Variants in ERCC8 observed in about 807,000 individuals in gnomAD.
The protein encoded by ERCC8 is DNA excision repair protein ERCC-8.
Under a neutral mutation model 54.9 loss-of-function variants are expected in ERCC8, and 52 were observed. The ratio of observed to expected loss-of-function variants is 0.95; its 90% CI spans 0.76 to 1.19. ERCC8 has a LOEUF of 1.19. ERCC8 is among the 50% of genes most tolerant of loss of function. The pLI is 0.00. For synonymous variants in ERCC8, 146 were observed against 157.2 expected, an observed-to-expected ratio of 0.93 and a Z score of 0.53; for missense variants, 514 against 466.1, an observed-to-expected ratio of 1.10 and a Z score of -0.95.
rs149662271 is a variant in ERCC8 at position 60,880,947 on chromosome 5, T to C, written c.1123-6264A>G. 7.5e-3 allele frequency among the ~76,000 whole-genome samples: 1,144 copies of C among 152,300 alleles called. 13 individuals carry two copies. Among genetic ancestry groups the C allele is most frequent in the African/African-American group, 0.026 (1,084 of 41,558 alleles). ...TGGAGGAGGAGAGGTGCTCTGACTT[T>C]TAGAGTTTCCAGTTTTTCTGCTCTG... is the stretch of plus-strand genomic sequence containing the variant. On this transcript the variant is annotated intron_variant, in intron 11 of 11. Transcript: ENST00000676185.
intron 1 of ERCC8, among the ~76,000 whole-genome samples, chr5:60,943,921 G>A (rs1750343339): frequency 6.6e-6 from 1 of 152,194 alleles, no homozygotes; most frequent in Admixed American, 6.5e-5. Context: ...TCACAACATT[G>A]AAAACGTAAT....
intron 3 of ERCC8, chr5:60,919,411 A>G (rs1410851868): frequency 3.3e-5 from 5 of 151,956 alleles, no homozygotes; most frequent in Non-Finnish European, 7.4e-5. Context: ...CTGCAACCCT[A>G]TGCAGATACA....
intron 9 of ERCC8, among the ~76,000 whole-genome samples, chr5:60,897,283 C>G (rs1001152860): frequency 1.4e-4 from 21 of 152,138 alleles, no homozygotes; most frequent in African/African-American, 4.8e-4. Flanking sequence ...CCTTTCTTTG[C>G]TTTGCTTTTC....
At chr5:60,885,445 C>A (rs1028319097) in intron 11 of ERCC8, among the ~76,000 whole-genome samples, 1 of 152,118 alleles carries the variant, frequency 6.6e-6, no homozygotes, top group Non-Finnish European at 1.5e-5. Context: ...TATTTCCTAA[C>A]ATGGCTTACA....
At position 60,873,692 on chromosome 5, in the gene ERCC8, A is replaced by G. The variant is rs557273136; in HGVS notation, c.*923T>C. 1.3e-5 allele frequency: 2 copies of G among 152,156 alleles called. No individual in the cohort carries two copies. 9.4% of individuals were successfully genotyped at this position (152,156 alleles called of 1,614,324 possible). A position where few individuals can be genotyped will look rare whatever the true frequency, so the allele number is the denominator to read the frequency against. On this transcript the variant is annotated 3_prime_UTR_variant, in exon 12 of 12. Transcript: ENST00000676185. ...ACTCCATCTCAGGAAAAAAACAAAAAAACAAAAAACCCTCAACAACTGTTT... is the reference window on the plus strand; with the variant it reads ...ACTCCATCTCAGGAAAAAAACAAAAGAACAAAAAACCCTCAACAACTGTTT...
chr5:60,888,835 T>A (rs1450887932), intron 10 of ERCC8, among the ~76,000 whole-genome samples: 1 of 152,186 alleles, frequency 6.6e-6, no homozygotes, highest in Admixed American at 6.5e-5. Flanking sequence ...CCCCTTATAG[T>A]TACAAAGTAA....
chr5:60,933,942 C>A (rs574933824), intron 1 of ERCC8, among the ~76,000 whole-genome samples: 2 of 152,010 alleles, frequency 1.3e-5, no homozygotes, highest in African/African-American at 4.8e-5. Flanking sequence ...CCATGATACA[C>A]ACACACACAC....
At chr5:60,893,596 A>T in intron 9 of ERCC8, 1 of 635,912 alleles carries the variant, frequency 1.6e-6, no homozygotes, top group Non-Finnish European at 2.9e-6. Context: ...GCTTGAAAGC[A>T]GATAGGTTCG....
intron 4 of ERCC8, among the ~76,000 whole-genome samples, chr5:60,912,586 T>C (rs1368211104): frequency 2.6e-5 from 4 of 152,116 alleles, no homozygotes; most frequent in African/African-American, 9.7e-5. Flanking sequence ...CCTTTATCTC[T>C]TTCTCTTGCC....
At chr5:60,924,600 C>G (rs1291266177) in intron 2 of ERCC8, 2 of 154,472 alleles carry the variant, frequency 1.3e-5, no homozygotes, top group African/African-American at 4.8e-5. Context: ...CCTAGAAAAG[C>G]TTTCTTGAAT....
intron 4 of ERCC8, among the ~76,000 whole-genome samples, chr5:60,912,490 G>A (rs1749298502): frequency 6.6e-6 from 1 of 151,966 alleles, no homozygotes; most frequent in Non-Finnish European, 1.5e-5. Context: ...AGAGATTTTG[G>A]GCTCAGACGA....
intron 1 of ERCC8, among the ~76,000 whole-genome samples, chr5:60,944,097 C>A (rs1750350127): frequency 6.6e-6 from 1 of 152,178 alleles, no homozygotes; most frequent in Non-Finnish European, 1.5e-5. Flanking sequence ...GAGTATATTA[C>A]CAACATTCAA....
intron 3 of ERCC8, chr5:60,919,547 G>A (rs929730336): frequency 2.6e-5 from 4 of 151,896 alleles, no homozygotes; most frequent in African/African-American, 9.7e-5. Context: ...TAAAACAGCT[G>A]CAAAAATACA....
intron 1 of ERCC8, among the ~76,000 whole-genome samples, chr5:60,935,831 G>A (rs1316762775): frequency 6.6e-6 from 1 of 152,124 alleles, no homozygotes; most frequent in Non-Finnish European, 1.5e-5. Context: ...TTTGTGTGGT[G>A]TATCACCTTT....
chr5:60,936,933 G>C (rs187924809), intron 1 of ERCC8, among the ~76,000 whole-genome samples: 3 of 152,270 alleles, frequency 2.0e-5, no homozygotes, highest in Admixed American at 2.0e-4. Flanking sequence ...TGGGACTCAA[G>C]GGCTGCTCTG....
intron 9 of ERCC8, among the ~76,000 whole-genome samples, chr5:60,895,169 CAAAAAAAA>C (rs5868257): frequency 1.1e-5 from 1 of 90,816 alleles, no homozygotes; most frequent in Admixed American, 1.2e-4. Context: ...GACTCTACCT[CAAAAAAAA>C]AAAAAAAAAA....
intron 11 of ERCC8, among the ~76,000 whole-genome samples, chr5:60,881,424 C>G (rs1403353537): frequency 6.6e-6 from 1 of 152,206 alleles, no homozygotes; most frequent in African/African-American, 2.4e-5. Flanking sequence ...GAGGTTTCTG[C>G]TGCCTTTTGT....
chr5:60,868,800 C>G lies in ERCC8; in HGVS notation c.*5815G>C, dbSNP rs895201770. ...GATTAAACTTCGTTAGTTTTCTTCC[C>G]TGAATTTAATACTTTTCCAGAATTA... On this transcript the variant is annotated 3_prime_UTR_variant, in exon 12 of 12. Coordinates refer to ENST00000676185, the MANE Select transcript of ERCC8 (RefSeq NM_000082.4). 3.9e-5 allele frequency among the ~76,000 whole-genome samples: 6 copies of G among 152,154 alleles called. No homozygotes were observed. Among genetic ancestry groups the G allele is most frequent in the African/African-American group, 1.2e-4 (5 of 41,420 alleles).
Position 60,937,780 on chromosome 5 carries a change from C to T in ERCC8, c.77+7152G>A, listed in dbSNP as rs188978061. ...GTCCCACAGTGCCTGCAGCGGCAAT[C>T]CACTTCCTTCAAAGGGTCTGTGGAT... On this transcript the variant is annotated intron_variant, in intron 1 of 11. Coordinates refer to ENST00000676185, the MANE Select transcript of ERCC8 (RefSeq NM_000082.4). Among the ~76,000 whole-genome samples the T allele has an allele frequency of 2.1e-4, 32 of 152,252 alleles. No individual in the cohort carries two copies. In the East Asian group the frequency reaches 6.0e-3, roughly 28 times the overall value.
Sources: allele counts gnomAD v4.1 joint callset (sites outside exome capture counted in the v4.1 genomes callset), GRCh38; gene constraint gnomAD v4.1.1; transcripts MANE v1.5; gene names NCBI Gene and HGNC (gene_info 2026-07-23, HGNC 2026-07-21).